The following RHAG variants were observed in gnomAD, a reference collection of about 807,000 sequenced individuals.
The protein encoded by RHAG is ammonium transporter Rh type A.
In RHAG, 25 loss-of-function variants were observed where a neutral mutation model predicts 42.4. The observed-to-expected ratio is 0.59, with a 90% CI of 0.43 to 0.82. RHAG has a LOEUF of 0.82. Among genes scored for constraint, RHAG ranks in the 40% least tolerant of loss-of-function variants. RHAG has a pLI of 0.00. For missense variants in RHAG, 483 were observed against 504.6 expected (o/e 0.96, Z 0.41); for synonymous variants, 182 against 177.7 (o/e 1.02, Z -0.19).
intron 1 of RHAG, among the ~76,000 whole-genome samples, chr6:49,624,090 T>A (rs1762804916): frequency 6.6e-6 from 1 of 152,214 alleles, no homozygotes; most frequent in African/African-American, 2.4e-5. Context: ...GTGAAAAGTA[T>A]AAAAGCGAAG....
At chr6:49,615,232 G>C (rs942077364) in intron 4 of RHAG, 1 of 281,798 alleles carries the variant, frequency 3.5e-6, no homozygotes, top group African/African-American at 2.2e-5. Context: ...TTACAGGCGT[G>C]AGCCACCACG....
intron 7 of RHAG, among the ~76,000 whole-genome samples, chr6:49,609,611 C>T (rs947735974): frequency 2.6e-5 from 4 of 151,862 alleles, no homozygotes; most frequent in African/African-American, 9.7e-5. Flanking sequence ...TCTAAATTTG[C>T]AAAAAGGGTT....
rs1458140550 is a variant in RHAG, at chr6:49,607,356, T to TA, written c.1068-137dup. 18 of 733,846 alleles carry TA rather than the reference T, an allele frequency of 2.5e-5. No homozygotes were observed. In the African/African-American group the frequency reaches 2.8e-4, roughly 11 times the overall value. 45.5% of individuals were successfully genotyped at this position (733,846 alleles called of 1,614,324 possible). On this transcript the variant is annotated intron_variant, in intron 7 of 9. Transcript: ENST00000371175. ...ACACAGCAGCAAATTAAGCATTTGT[T>TA]ACAATTTTTCTTTCATATTCTTATT...
At chr6:49,635,357 T>G (rs949401476) in intron 1 of RHAG, among the ~76,000 whole-genome samples, 8 of 152,156 alleles carry the variant, frequency 5.3e-5, no homozygotes, top group African/African-American at 1.9e-4. Context: ...TGCATCTCTT[T>G]GTTTACAAGT....
chr6:49,617,244 C>A (rs1246280729), intron 3 of RHAG, among the ~76,000 whole-genome samples: 2 of 152,228 alleles, frequency 1.3e-5, no homozygotes, highest in East Asian at 3.8e-4. Context: ...TCTTTTAGGT[C>A]CAGCGTAACT....
intron 3 of RHAG, among the ~76,000 whole-genome samples, chr6:49,616,209 C>T (rs1234873273): frequency 6.6e-6 from 1 of 151,948 alleles, no homozygotes; most frequent in East Asian, 1.9e-4. Context: ...CTCAGCCTGG[C>T]CTGGTGGTGC....
chr6:49,626,855 A>G (rs1762852023), intron 1 of RHAG, among the ~76,000 whole-genome samples: 1 of 152,224 alleles, frequency 6.6e-6, no homozygotes, highest in African/African-American at 2.4e-5. Flanking sequence ...CAGTCCCAAT[A>G]CCACATGTAA....
Position 49,605,653 on chromosome 6 carries a change from G to A in RHAG, c.*160C>T. On this transcript the variant is annotated 3_prime_UTR_variant, in exon 10 of 10. Transcript: ENST00000371175. ...TTTACACTGGCCATTTGGGACTTAG[G>A]ATCTATTCACTCTGGTCCATACTCT... The A allele has an allele frequency of 1.3e-6, 1 of 747,142 alleles. No homozygotes were observed. Among genetic ancestry groups the A allele is most frequent in the East Asian group, 2.6e-5 (1 of 38,542 alleles). The allele number at this position is 747,142 out of a possible 1,614,324, so 46.3% of individuals were successfully genotyped here.
chr6:49,636,719 C>G lies in RHAG; in HGVS notation c.94G>C (p.Val32Leu). The change falls in exon 1 of 10, where the codon GTT (valine) becomes CTT (leucine). Residue 32 changes from valine to leucine, a missense_variant. Val to Leu is a conservative substitution (Grantham distance 32, BLOSUM62 1). Transcript: ENST00000371175. Reference protein sequence around the residue: ...LFVEYETDQTVLEQLNITKPT... With the variant: ...LFVEYETDQTLLEQLNITKPT... ...TTGGTGATGTTGAGCTGCTCGAGAA[C>G]AGTCTGGTCCGTTTCATACTCAACA... 1 of 1,613,952 alleles carries G rather than the reference C, an allele frequency of 6.2e-7. No individual in the cohort carries two copies. The highest frequency in any genetic ancestry group is 8.5e-7 in the Non-Finnish European group (1 of 1,179,848).
intron 7 of RHAG, among the ~76,000 whole-genome samples, chr6:49,609,927 G>A (rs752638555): frequency 3.3e-5 from 5 of 152,136 alleles, no homozygotes; most frequent in African/African-American, 2.4e-5. Flanking sequence ...CAGGGACATG[G>A]ATGAAGCTGG....
At chr6:49,606,980 C>T (rs1762480101) in intron 8 of RHAG, 59 bp from the exon 9 acceptor site, 6 of 1,282,698 alleles carry the variant, frequency 4.7e-6, no homozygotes, top group Middle Eastern at 1.8e-4. Context: ...AATCTACTTG[C>T]ATAGTAGCTT....
chr6:49,607,953 C>T (rs771483517), intron 7 of RHAG, among the ~76,000 whole-genome samples: 5 of 151,978 alleles, frequency 3.3e-5, no homozygotes, highest in Admixed American at 6.6e-5. Flanking sequence ...AAAGGATGCA[C>T]TAAACTCAGA....
At position 49,629,621 on chromosome 6, in the gene RHAG, C is replaced by T. The variant is rs116020514; in HGVS notation, c.157+7035G>A. Among the ~76,000 whole-genome samples, 567 of 151,470 alleles carry T rather than the reference C, an allele frequency of 3.7e-3. 3 individuals carry two copies. The highest frequency in any genetic ancestry group is 0.013 in the African/African-American group (541 of 41,160). On this transcript the variant is annotated intron_variant, in intron 1 of 9. Coordinates refer to ENST00000371175, the MANE Select transcript of RHAG (RefSeq NM_000324.3). ...GGGGGTGGCGTTCATCGGGGAGGCTCGGGCACACAGGAGCCCATGGAGGGG... is the reference window on the plus strand; with the variant it reads ...GGGGGTGGCGTTCATCGGGGAGGCTTGGGCACACAGGAGCCCATGGAGGGG...
intron 7 of RHAG, among the ~76,000 whole-genome samples, chr6:49,608,791 C>T (rs1175779613): frequency 6.6e-6 from 1 of 152,024 alleles, no homozygotes; most frequent in Non-Finnish European, 1.5e-5. Context: ...TGCTTTATCG[C>T]TTTGATAAGT....
chr6:49,622,221 T>TG lies in RHAG; in HGVS notation c.158-2860_158-2859insC, dbSNP rs1052058795. On this transcript the variant is annotated intron_variant, in intron 1 of 9. Transcript: ENST00000371175. ...GGGTGTCACAAGATCTGATGGTTTTTTTTTTTTTTTTTTAGACAGAGTCTC... is the reference window on the plus strand; with the variant it reads ...GGGTGTCACAAGATCTGATGGTTTTTGTTTTTTTTTTTTTAGACAGAGTCTC... 2.5e-4 allele frequency among the ~76,000 whole-genome samples: 38 copies of TG among 151,000 alleles called. 1 individual carries two copies. Among genetic ancestry groups the TG allele is most frequent in the East Asian group, 1.4e-3 (7 of 5,120 alleles).
chr6:49,625,976 C>G (rs1001365630), intron 1 of RHAG, among the ~76,000 whole-genome samples: 4 of 152,282 alleles, frequency 2.6e-5, no homozygotes, highest in African/African-American at 9.6e-5. Context: ...ATCATGGGAA[C>G]AGCGCAGGAA....
chr6:49,605,855 A>G, intron 9 of RHAG, 25 bp from the exon 10 acceptor site: 1 of 1,596,522 alleles, frequency 6.3e-7, no homozygotes, highest in Admixed American at 1.7e-5. Context: ...GTTTGAGGGC[A>G]CTTAATAGTT....
chr6:49,626,048 T>G (rs772530804), intron 1 of RHAG, among the ~76,000 whole-genome samples: 6 of 152,204 alleles, frequency 3.9e-5, no homozygotes, highest in Non-Finnish European at 7.3e-5. Context: ...ATGGGAATTA[T>G]GAGAACTACA....
chr6:49,633,051 C>T (rs1332578297), intron 1 of RHAG, among the ~76,000 whole-genome samples: 2 of 152,102 alleles, frequency 1.3e-5, no homozygotes, highest in South Asian at 2.1e-4. Context: ...CGGTTGTGTG[C>T]AAACCCAAGG....
Sources: allele counts gnomAD v4.1 joint callset (sites outside exome capture counted in the v4.1 genomes callset), GRCh38; gene constraint gnomAD v4.1.1; transcripts MANE v1.5; gene names NCBI Gene and HGNC (gene_info 2026-07-23, HGNC 2026-07-21).